GPHN: variants seen among roughly 807,000 people sequenced by gnomAD.
GPHN encodes gephyrin.
GPHN carries 17 observed loss-of-function variants against 95.5 expected under a neutral mutation model. The ratio of observed to expected loss-of-function variants is 0.18; its 90% CI spans 0.12 to 0.27. The LOEUF (loss-of-function observed/expected upper bound fraction) is 0.27. Ranked by LOEUF, GPHN falls within the 10% of genes least tolerant of loss-of-function variation. The pLI, the probability that GPHN is intolerant of heterozygous loss-of-function variation, is 1.00. For synonymous variants in GPHN, 320 were observed against 322.5 expected, an observed-to-expected ratio of 0.99 and a Z score of 0.08; for missense variants, 660 against 978.1, an observed-to-expected ratio of 0.67 and a Z score of 4.34.
chr14:67,564,336 T>C, the GPHN span, among the ~76,000 whole-genome samples: 1 of 152,296 alleles, frequency 6.6e-6, no homozygotes, highest in South Asian at 2.1e-4. Context: ...TGTCTTGATA[T>C]CTGTCTGGTA....
chr14:67,292,519 G>T, the GPHN span: 1 of 1,606,784 alleles, frequency 6.2e-7, no homozygotes, highest in Non-Finnish European at 8.5e-7. Flanking sequence ...AGAAATAGAA[G>T]ACTTGTTTTC....
At chr14:67,360,371 G>A in the GPHN span, 1 of 396,816 alleles carries the variant, frequency 2.5e-6, no homozygotes. Context: ...GAGGATCGGC[G>A]GCCGGTGAGG....
rs1566686426 is a variant in GPHN at position 66,603,895 on chromosome 14, A to AATAACT, written c.65-77212_65-77211insATAACT. Among the ~76,000 whole-genome samples the AATAACT allele has an allele frequency of 2.0e-5, 3 of 152,082 alleles. 1 individual carries two copies. In the South Asian group the frequency reaches 6.2e-4, roughly 31 times the overall value. On this transcript the variant is annotated intron_variant, in intron 1 of 22. Transcript: ENST00000478722. ...ATTTAATAGTTTGATTATACATCTT[A>AATAACT]TGATTAATGTTAGTATTATCTGAGA...
chr14:66,861,282 A>G (rs2063013820), intron 4 of GPHN, among the ~76,000 whole-genome samples: 1 of 152,128 alleles, frequency 6.6e-6, no homozygotes, highest in African/African-American at 2.4e-5. Flanking sequence ...AGACAAAGTC[A>G]TTATATAATG....
At chr14:66,565,353 G>A (rs528796679) in intron 1 of GPHN, among the ~76,000 whole-genome samples, 3 of 152,134 alleles carry the variant, frequency 2.0e-5, no homozygotes, top group East Asian at 3.9e-4. Context: ...CCGCAGCAGT[G>A]TATGGCTGGA....
chr14:67,320,109 C>A, the GPHN span: 3 of 736,758 alleles, frequency 4.1e-6, no homozygotes, highest in Non-Finnish European at 6.2e-6. Context: ...GATACCCTAG[C>A]AAGGATGTAA....
intron 9 of GPHN, among the ~76,000 whole-genome samples, chr14:66,979,392 T>C (rs1416706583): frequency 6.6e-6 from 1 of 152,274 alleles, no homozygotes; most frequent in African/African-American, 2.4e-5. Context: ...GGTAACTTGC[T>C]GCAGCTTCTA....
chr14:66,607,644 G>A (rs1038917764), intron 1 of GPHN, among the ~76,000 whole-genome samples: 5 of 150,962 alleles, frequency 3.3e-5, no homozygotes, highest in East Asian at 1.9e-4. Context: ...CTTTTTTTTT[G>A]TTGGTAGGTT....
chr14:66,991,665 G>A (rs1245722991), intron 9 of GPHN, among the ~76,000 whole-genome samples: 1 of 150,390 alleles, frequency 6.6e-6, no homozygotes, highest in Non-Finnish European at 1.5e-5. Flanking sequence ...CTCCCTACTT[G>A]CGGGCTGATC....
chr14:66,763,653 T>C (rs1349238088), intron 2 of GPHN, among the ~76,000 whole-genome samples: 1 of 151,818 alleles, frequency 6.6e-6, no homozygotes, highest in East Asian at 1.9e-4. Context: ...TTGGACATTT[T>C]ATATAATATT....
At chr14:67,434,879 T>C in the GPHN span, among the ~76,000 whole-genome samples, 1 of 152,054 alleles carries the variant, frequency 6.6e-6, no homozygotes. Flanking sequence ...GGGAACTCTC[T>C]GCAGAGTCCT....
At chr14:67,332,744 A>G in the GPHN span, 1 of 1,575,472 alleles carries the variant, frequency 6.3e-7, no homozygotes, top group Non-Finnish European at 8.6e-7. Context: ...TGGTTAGGAA[A>G]GGAATTATCT....
chr14:66,830,118 T>A (rs955305131), intron 4 of GPHN, among the ~76,000 whole-genome samples: 1 of 152,178 alleles, frequency 6.6e-6, no homozygotes, highest in African/African-American at 2.4e-5. Context: ...AAGCCTGACG[T>A]ATTTATCATC....
At chr14:66,843,084 G>A (rs986757857) in intron 4 of GPHN, among the ~76,000 whole-genome samples, 6 of 152,002 alleles carry the variant, frequency 3.9e-5, no homozygotes, top group Admixed American at 2.6e-4. Flanking sequence ...TGCTTCTGAT[G>A]ATCTGTCATT....
At chr14:67,153,919 C>T (rs2081432361) in intron 18 of GPHN, among the ~76,000 whole-genome samples, 1 of 152,152 alleles carries the variant, frequency 6.6e-6, no homozygotes, top group Non-Finnish European at 1.5e-5. Flanking sequence ...ATGTCTGGTA[C>T]AAGTTTTCTG....
chr14:67,099,293 T>G (rs1375616521), intron 12 of GPHN, among the ~76,000 whole-genome samples: 1 of 152,078 alleles, frequency 6.6e-6, no homozygotes, highest in African/African-American at 2.4e-5. Context: ...TATTTTATTT[T>G]GTATTTTTAG....
At chr14:67,554,058 TCTAA>T in the GPHN span, among the ~76,000 whole-genome samples, 1 of 152,100 alleles carries the variant, frequency 6.6e-6, no homozygotes, top group African/African-American at 2.4e-5. Context: ...TGAGCATAAC[TCTAA>T]CTCTCTGTCC....
At chr14:66,839,897 T>C (rs1596097441) in intron 4 of GPHN, among the ~76,000 whole-genome samples, 1 of 152,300 alleles carries the variant, frequency 6.6e-6, no homozygotes, top group East Asian at 1.9e-4. Flanking sequence ...TCCTTCGAGA[T>C]GGCGCTGCTC....
At chr14:66,648,907 G>T (rs2064893601) in intron 1 of GPHN, among the ~76,000 whole-genome samples, 1 of 152,174 alleles carries the variant, frequency 6.6e-6, no homozygotes. Context: ...CACCTAAGGA[G>T]ACTCAGGAGA....
Sources: allele counts gnomAD v4.1 joint callset (sites outside exome capture counted in the v4.1 genomes callset), GRCh38; gene constraint gnomAD v4.1.1; transcripts MANE v1.5; gene names NCBI Gene and HGNC (gene_info 2026-07-23, HGNC 2026-07-21).